The following LAMA2 variants were observed in gnomAD, a reference collection of about 807,000 sequenced individuals.
The protein encoded by LAMA2 is laminin subunit alpha-2.
In LAMA2, 269 loss-of-function variants were observed where a neutral mutation model predicts 364.8. The observed-to-expected ratio is 0.74, with a 90% CI of 0.67 to 0.82. The LOEUF (loss-of-function observed/expected upper bound fraction) is 0.82, where lower values mean the gene tolerates loss of function less well. Ranked by LOEUF, LAMA2 falls within the 40% of genes least tolerant of loss-of-function variation. The pLI, the probability that LAMA2 is intolerant of heterozygous loss-of-function variation, is 0.00. For missense variants in LAMA2, 3,807 were observed against 3,873.2 expected (o/e 0.98, Z 0.45); for synonymous variants, 1,379 against 1,370.6 (o/e 1.01, Z -0.14).
chr6:128,984,451 G>C (rs779815127), intron 1 of LAMA2, among the ~76,000 whole-genome samples: 24 of 152,070 alleles, frequency 1.6e-4, no homozygotes, highest in Non-Finnish European at 2.4e-4. Context: ...ATCCACATGT[G>C]AACTCCCTTA....
chr6:129,081,559 T>A (rs1418275908), intron 3 of LAMA2, among the ~76,000 whole-genome samples: 1 of 152,210 alleles, frequency 6.6e-6, no homozygotes, highest in Non-Finnish European at 1.5e-5. Context: ...TCGTAATTCT[T>A]TTTGGGTAAT....
chr6:128,908,745 T>A (rs1241773745), intron 1 of LAMA2, among the ~76,000 whole-genome samples: 2 of 147,676 alleles, frequency 1.4e-5, no homozygotes, highest in East Asian at 3.9e-4. Flanking sequence ...CAATTTTGGA[T>A]CTTTCCTGCT....
chr6:129,284,859 T>G (rs1393533100), intron 18 of LAMA2, among the ~76,000 whole-genome samples: 1 of 152,158 alleles, frequency 6.6e-6, no homozygotes, highest in African/African-American at 2.4e-5. Context: ...TTATTTACAT[T>G]TAAACGGCCC....
chr6:128,983,046 TA>T, intron 1 of LAMA2, among the ~76,000 whole-genome samples: 1 of 151,742 alleles, frequency 6.6e-6, no homozygotes, highest in South Asian at 2.1e-4. Context: ...AAGTCTTTGC[TA>T]TTGTGAATAG....
At chr6:129,130,302 T>C (rs1201988499) in intron 4 of LAMA2, among the ~76,000 whole-genome samples, 6 of 152,252 alleles carry the variant, frequency 3.9e-5, no homozygotes, top group African/African-American at 1.4e-4. Context: ...AGTGTGACCA[T>C]TGTGGTCTCT....
At chr6:129,307,552 T>G (rs1490549738) in intron 22 of LAMA2, among the ~76,000 whole-genome samples, 1 of 152,234 alleles carries the variant, frequency 6.6e-6, no homozygotes, top group Non-Finnish European at 1.5e-5. Flanking sequence ...TGTTGCAGCC[T>G]AGAAATTGCC....
chr6:129,151,077 T>C (rs1778763798), intron 7 of LAMA2, among the ~76,000 whole-genome samples: 1 of 152,116 alleles, frequency 6.6e-6, no homozygotes, highest in Non-Finnish European at 1.5e-5. Flanking sequence ...AAGTTGCTGA[T>C]GATAGAGAAA....
intron 3 of LAMA2, among the ~76,000 whole-genome samples, chr6:129,082,449 T>C (rs1178881065): frequency 6.6e-6 from 1 of 152,146 alleles, no homozygotes; most frequent in East Asian, 1.9e-4. Flanking sequence ...AGATATAACA[T>C]GCTAGTTCTC....
intron 22 of LAMA2, among the ~76,000 whole-genome samples, chr6:129,310,049 G>A (rs1001103465): frequency 5.6e-4 from 85 of 151,136 alleles, no homozygotes; most frequent in Non-Finnish European, 1.0e-3. Flanking sequence ...ACAGGCGCCC[G>A]CTACCACGCC....
At chr6:128,950,664 T>C (rs1780757906) in intron 1 of LAMA2, among the ~76,000 whole-genome samples, 1 of 152,244 alleles carries the variant, frequency 6.6e-6, no homozygotes, top group Admixed American at 6.5e-5. Flanking sequence ...TCACCTCTCA[T>C]GCCTCTGTTT....
At chr6:128,892,413 G>C (rs751131710) in intron 1 of LAMA2, among the ~76,000 whole-genome samples, 7 of 151,884 alleles carry the variant, frequency 4.6e-5, no homozygotes, top group African/African-American at 1.4e-4. Context: ...TACAATAAAC[G>C]TTTTTTCTAG....
At chr6:129,455,290 C>T (rs1291512123) in intron 47 of LAMA2, among the ~76,000 whole-genome samples, 2 of 151,800 alleles carry the variant, frequency 1.3e-5, no homozygotes, top group Admixed American at 1.3e-4. Context: ...ATTTTTAGTT[C>T]TTTTTAAGGA....
intron 48 of LAMA2, among the ~76,000 whole-genome samples, chr6:129,459,663 A>T (rs1783145261): frequency 6.6e-6 from 1 of 152,080 alleles, no homozygotes; most frequent in Admixed American, 6.6e-5. Flanking sequence ...AAGTGCTTTT[A>T]AAAAATCTCT....
chr6:129,260,441 A>G lies in LAMA2; in HGVS notation c.2097-270A>G, dbSNP rs73585525. On this transcript the variant is annotated intron_variant, in intron 14 of 64. Coordinates refer to ENST00000421865, the MANE Select transcript of LAMA2 (RefSeq NM_000426.4). ...TGTCTGTCTCCAAAAAATGAAAATC[A>G]AAACACATAGCCAAGAGCCAAGAGA... 0.011 allele frequency among the ~76,000 whole-genome samples: 1,602 copies of G among 152,256 alleles called. 30 individuals are homozygous for G. The highest frequency in any genetic ancestry group is 0.037 in the African/African-American group (1,544 of 41,564).
intron 1 of LAMA2, among the ~76,000 whole-genome samples, chr6:128,941,965 C>T (rs1404191468): frequency 1.3e-5 from 2 of 152,112 alleles, no homozygotes; most frequent in East Asian, 3.9e-4. Context: ...CTTTAGATAA[C>T]ACTATCTAAA....
intron 32 of LAMA2, among the ~76,000 whole-genome samples, chr6:129,358,258 A>C (rs1777265154): frequency 6.6e-6 from 1 of 151,656 alleles, no homozygotes; most frequent in African/African-American, 2.4e-5. Context: ...ATTCTAGATG[A>C]TTTTCCTAGT....
At chr6:129,371,205 A>C (rs892111584) in intron 34 of LAMA2, among the ~76,000 whole-genome samples, 1 of 151,984 alleles carries the variant, frequency 6.6e-6, no homozygotes, top group African/African-American at 2.4e-5. Flanking sequence ...TGGCAGATGA[A>C]AAATATGAAT....
chr6:129,085,495 G>A (rs1184808819), intron 3 of LAMA2, among the ~76,000 whole-genome samples: 1 of 152,118 alleles, frequency 6.6e-6, no homozygotes, highest in African/African-American at 2.4e-5. Context: ...GTCCTAGTTT[G>A]ATTAAACTAG....
At chr6:129,021,593 C>T (rs1010746239) in intron 1 of LAMA2, among the ~76,000 whole-genome samples, 1 of 152,118 alleles carries the variant, frequency 6.6e-6, no homozygotes, top group Non-Finnish European at 1.5e-5. Flanking sequence ...TTAGCAGAAG[C>T]TTTGGAGAGA....
Sources: gnomAD v4.1 joint callset for allele counts (sites outside exome capture counted in the v4.1 genomes callset) on GRCh38, gnomAD v4.1.1 for gene constraint, MANE v1.5 for transcripts, NCBI Gene and HGNC (gene_info 2026-07-23, HGNC 2026-07-21) for gene names.